Variants in MARCHF3 observed in about 807,000 individuals in gnomAD.
MARCHF3 encodes membrane associated ring-CH-type finger 3.
A neutral mutation model predicts 24.2 loss-of-function variants in MARCHF3; 13 were observed. That is an observed-to-expected ratio of 0.54 (90% confidence interval 0.35 to 0.85). MARCHF3 has a LOEUF of 0.85. MARCHF3 is among the 40% of genes least tolerant of loss of function. MARCHF3 has a pLI of 0.01. For synonymous variants in MARCHF3, 144 were observed against 137.3 expected (o/e 1.05, Z -0.34); for missense variants, 276 against 325.0 (o/e 0.85, Z 1.16).
chr5:126,926,877 C>T (rs1319116937), intron 1 of MARCHF3, among the ~76,000 whole-genome samples: 4 of 151,942 alleles, frequency 2.6e-5, no homozygotes, highest in South Asian at 2.1e-4. Context: ...CTCAGAACAA[C>T]GGGGCCAGGG....
intron 1 of MARCHF3, among the ~76,000 whole-genome samples, chr5:127,022,297 G>T (rs114162694): frequency 7.9e-5 from 12 of 152,136 alleles, no homozygotes. Context: ...CATTACTCTC[G>T]AAGGGAAAAG....
chr5:126,910,077 A>G (rs896958442), intron 3 of MARCHF3, among the ~76,000 whole-genome samples: 2 of 152,210 alleles, frequency 1.3e-5, no homozygotes, highest in East Asian at 1.9e-4. Context: ...CGGAAACTTA[A>G]TCACTTCTAC....
intron 2 of MARCHF3, among the ~76,000 whole-genome samples, chr5:126,917,413 A>T (rs780541922): frequency 2.0e-4 from 31 of 152,292 alleles, no homozygotes; most frequent in Admixed American, 8.5e-4. Flanking sequence ...ATAGCACTTC[A>T]TAGGGTAGAG....
At chr5:127,011,627 A>T (rs533785448) in intron 1 of MARCHF3, among the ~76,000 whole-genome samples, 1 of 152,348 alleles carries the variant, frequency 6.6e-6, no homozygotes, top group Non-Finnish European at 1.5e-5. Context: ...AAAGAAAAGG[A>T]AAAGGAAACT....
At chr5:126,976,859 G>A (rs1042274129) in intron 1 of MARCHF3, among the ~76,000 whole-genome samples, 3 of 152,190 alleles carry the variant, frequency 2.0e-5, no homozygotes, top group Non-Finnish European at 2.9e-5. Flanking sequence ...GCCTGGAAAT[G>A]CCCCCACAGT....
intron 1 of MARCHF3, among the ~76,000 whole-genome samples, chr5:126,960,505 C>T (rs1348922404): frequency 1.3e-5 from 2 of 152,018 alleles, no homozygotes; most frequent in Non-Finnish European, 2.9e-5. Flanking sequence ...AAATCTTATT[C>T]CTGTTTAATG....
At chr5:127,027,351 T>C (rs753276570) in intron 1 of MARCHF3, among the ~76,000 whole-genome samples, 1 of 152,218 alleles carries the variant, frequency 6.6e-6, no homozygotes, top group Non-Finnish European at 1.5e-5. Flanking sequence ...AAGGCGATCA[T>C]TGACCTCATA....
At chr5:127,005,974 G>C (rs1335921161) in intron 1 of MARCHF3, among the ~76,000 whole-genome samples, 1 of 151,956 alleles carries the variant, frequency 6.6e-6, no homozygotes, top group Non-Finnish European at 1.5e-5. Context: ...GGCCGAGGCG[G>C]GCGGATCACT....
intron 3 of MARCHF3, among the ~76,000 whole-genome samples, chr5:126,890,258 CT>C (rs755211295): frequency 0.015 from 2,116 of 143,438 alleles, 16 homozygotes; most frequent in African/African-American, 0.021. Flanking sequence ...AAAAGACATA[CT>C]TTTTTTTTTT....
rs76184852 is a variant in MARCHF3 at position 127,002,297 on chromosome 5, G to C, written c.-57+28053C>G. Among the ~76,000 whole-genome samples the C allele has an allele frequency of 8.2e-4, 125 of 152,290 alleles. 1 individual carries two copies. In the East Asian group the frequency reaches 0.023, roughly 29 times the overall value. On this transcript the variant is annotated intron_variant, in intron 1 of 4. Transcript: ENST00000308660. ...TCAGAACACTAAGCAGTAGAGATGA[G>C]GGTTTTTTACAAAATATTTGTTAGT...
intron 3 of MARCHF3, among the ~76,000 whole-genome samples, chr5:126,889,826 T>C (rs556748270): frequency 3.9e-5 from 6 of 152,304 alleles, no homozygotes; most frequent in Non-Finnish European, 8.8e-5. Context: ...AGGTGGTATC[T>C]CCTTATTTTT....
At chr5:126,979,705 C>CT (rs1751324515) in intron 1 of MARCHF3, among the ~76,000 whole-genome samples, 1 of 152,034 alleles carries the variant, frequency 6.6e-6, no homozygotes, top group Admixed American at 6.6e-5. Context: ...TCCCAGCACT[C>CT]TGAGAGGCTG....
intron 1 of MARCHF3, among the ~76,000 whole-genome samples, chr5:126,940,973 A>C (rs1181853225): frequency 6.6e-6 from 1 of 152,170 alleles, no homozygotes; most frequent in Non-Finnish European, 1.5e-5. Flanking sequence ...GCAACTGTAT[A>C]TTATTTAATG....
chr5:126,964,667 G>C (rs1330843776), intron 1 of MARCHF3, among the ~76,000 whole-genome samples: 4 of 152,218 alleles, frequency 2.6e-5, no homozygotes, highest in African/African-American at 9.6e-5. Flanking sequence ...TCACAGCCTA[G>C]GCTGGGGTCC....
chr5:126,887,668 C>A (rs903271465), intron 3 of MARCHF3, among the ~76,000 whole-genome samples: 8 of 152,196 alleles, frequency 5.3e-5, no homozygotes, highest in Admixed American at 2.6e-4. Flanking sequence ...CCTTTGAGCT[C>A]TCACGCAATG....
At chr5:126,989,849 T>G (rs1211917862) in intron 1 of MARCHF3, among the ~76,000 whole-genome samples, 1 of 152,054 alleles carries the variant, frequency 6.6e-6, no homozygotes, top group Non-Finnish European at 1.5e-5. Context: ...TCTGGCTGGG[T>G]GCAGTGGCTC....
intron 1 of MARCHF3, among the ~76,000 whole-genome samples, chr5:126,968,372 G>C (rs1011447645): frequency 1.1e-4 from 16 of 152,112 alleles, no homozygotes; most frequent in Non-Finnish European, 2.4e-4. Flanking sequence ...TAAGGGTTCC[G>C]GTTTCTCCAA....
At chr5:126,947,997 A>G (rs1261592420) in intron 1 of MARCHF3, among the ~76,000 whole-genome samples, 1 of 152,048 alleles carries the variant, frequency 6.6e-6, no homozygotes, top group East Asian at 1.9e-4. Context: ...GCCTTTTCCT[A>G]CCATGCCTCT....
At chr5:127,029,460 G>A (rs1383950865) in intron 1 of MARCHF3, among the ~76,000 whole-genome samples, 1 of 152,166 alleles carries the variant, frequency 6.6e-6, no homozygotes, top group Non-Finnish European at 1.5e-5. Flanking sequence ...CATGCATGTA[G>A]TTGGTCTCAG....
Sources: allele counts gnomAD v4.1 joint callset (sites outside exome capture counted in the v4.1 genomes callset), GRCh38; gene constraint gnomAD v4.1.1; transcripts MANE v1.5; gene names NCBI Gene and HGNC (gene_info 2026-07-23, HGNC 2026-07-21).